Variants in ARMC3 observed in about 807,000 individuals in gnomAD.
ARMC3 encodes armadillo repeat containing 3.
Under a neutral mutation model 90.3 loss-of-function variants are expected in ARMC3, and 74 were observed. That is an observed-to-expected ratio of 0.82 (90% confidence interval 0.68 to 0.99). ARMC3 has a LOEUF of 0.99. ARMC3 is among the 50% of genes least tolerant of loss of function. The probability of loss-of-function intolerance (pLI) is 0.00; values close to 1 mark genes in which losing one functional copy is unlikely to be tolerated. For synonymous variants in ARMC3, 334 were observed against 361.8 expected (o/e 0.92, Z 0.87); for missense variants, 958 against 1,042.8 (o/e 0.92, Z 1.12).
rs1837726761 is a variant in ARMC3, at chr10:23,008,283, C to G, written c.1837C>G (p.Pro613Ala). The G allele has an allele frequency of 6.6e-7, 1 of 1,510,364 alleles. No individual in the cohort carries two copies. The highest frequency in any genetic ancestry group is 9.0e-7 in the Non-Finnish European group (1 of 1,111,496). 93.6% of individuals were successfully genotyped at this position (1,510,364 alleles called of 1,614,324 possible). Residue 613 changes from proline to alanine, a missense_variant, in exon 15 of 19, where the codon CCT (proline) becomes GCT (alanine). By Grantham distance (27) the Pro-to-Ala change is conservative. Coordinates refer to ENST00000298032, the MANE Select transcript of ARMC3 (RefSeq NM_173081.5). ...LINSKSYVSP[P>A]SSMEDKSDVG... ...AAATGTGTAAAATTTTAGTTCTCCA[C>G]CTTCATCTATGGAAGATAAATCAGA...
rs74885959 is a variant in ARMC3 at position 23,025,279 on chromosome 10, C to A, written c.2046-5317C>A. Among the ~76,000 whole-genome samples, 350 of 152,084 alleles carry A rather than the reference C, an allele frequency of 2.3e-3. 3 individuals carry two copies. The highest frequency in any genetic ancestry group is 8.0e-3 in the African/African-American group (333 of 41,498). On this transcript the variant is annotated intron_variant, in intron 16 of 18. Transcript: ENST00000298032. ...AGATCTCATTGACATATGTAGAACACTCCAACAATAACAGCAGAATACACG... is the reference window on the plus strand; with the variant it reads ...AGATCTCATTGACATATGTAGAACAATCCAACAATAACAGCAGAATACACG...
intron 7 of ARMC3, among the ~76,000 whole-genome samples, chr10:22,963,207 T>C (rs886814162): frequency 1.3e-5 from 2 of 152,210 alleles, no homozygotes; most frequent in African/African-American, 4.8e-5. Flanking sequence ...CATTGAGGAA[T>C]GTGATGGTAT....
chr10:23,030,881 C>A, intron 17 of ARMC3, 85 bp downstream of exon 17: 3 of 1,409,972 alleles, frequency 2.1e-6, no homozygotes, highest in Non-Finnish European at 2.9e-6. Flanking sequence ...TAGACAAATA[C>A]ACCATAAATA....
intron 10 of ARMC3, among the ~76,000 whole-genome samples, chr10:22,989,215 C>T (rs1836597510): frequency 1.3e-5 from 2 of 152,218 alleles, no homozygotes; most frequent in Admixed American, 1.3e-4. Context: ...AGATTCCGAT[C>T]TGAAAATCAT....
chr10:22,975,646 GA>G (rs763406940), intron 8 of ARMC3, among the ~76,000 whole-genome samples: 25 of 152,198 alleles, frequency 1.6e-4, no homozygotes, highest in Non-Finnish European at 2.9e-4. Context: ...TTGCATATAT[GA>G]TTTTTTTGCT....
chr10:23,023,476 C>T (rs569011685), intron 16 of ARMC3, among the ~76,000 whole-genome samples: 158 of 152,118 alleles, frequency 1.0e-3, no homozygotes, highest in Non-Finnish European at 1.9e-3. Flanking sequence ...AAGAAAATCA[C>T]AATACCAATG....
At chr10:22,943,070 G>A (rs1040190609) in intron 2 of ARMC3, among the ~76,000 whole-genome samples, 1 of 152,172 alleles carries the variant, frequency 6.6e-6, no homozygotes, top group African/African-American at 2.4e-5. Flanking sequence ...GCTTAGGAAA[G>A]GAGTGTGAGG....
chr10:23,017,598 C>T (rs1315752042), intron 16 of ARMC3, among the ~76,000 whole-genome samples: 1 of 152,198 alleles, frequency 6.6e-6, no homozygotes, highest in Admixed American at 6.5e-5. Flanking sequence ...AACCCTGTCT[C>T]TACTAAAAAT....
chr10:22,986,550 T>G (rs1588882034), intron 10 of ARMC3, among the ~76,000 whole-genome samples: 1 of 88,052 alleles, frequency 1.1e-5, no homozygotes. Flanking sequence ...AGACTCCATC[T>G]CAAAAAAAAA....
At chr10:22,930,133 C>T (rs1833871921) in intron 1 of ARMC3, among the ~76,000 whole-genome samples, 1 of 149,558 alleles carries the variant, frequency 6.7e-6, no homozygotes, top group Non-Finnish European at 1.5e-5. Context: ...TAAACTCTCT[C>T]TTTTTTTTTT....
intron 10 of ARMC3, among the ~76,000 whole-genome samples, chr10:22,986,388 C>T (rs1335462856): frequency 1.3e-5 from 2 of 151,746 alleles, no homozygotes; most frequent in African/African-American, 4.8e-5. Flanking sequence ...CCCATCTCTA[C>T]TAAAAATACA....
At chr10:23,005,076 G>T (rs887590781) in intron 13 of ARMC3, among the ~76,000 whole-genome samples, 1 of 152,024 alleles carries the variant, frequency 6.6e-6, no homozygotes, top group Non-Finnish European at 1.5e-5. Context: ...AGCCGGGCGT[G>T]GTGGCGGGTG....
intron 8 of ARMC3, among the ~76,000 whole-genome samples, chr10:22,969,295 A>C (rs1371632726): frequency 6.6e-6 from 1 of 152,190 alleles, no homozygotes; most frequent in Non-Finnish European, 1.5e-5. Flanking sequence ...CACAGATGAA[A>C]TTATAGTTTT....
Position 22,962,043 on chromosome 10 carries a change from G to A in ARMC3, c.697G>A (p.Gly233Arg). The change falls in exon 7 of 19, where the codon GGA (glycine) becomes AGA (arginine). Residue 233 changes from glycine (G) to arginine (R), a missense_variant. Transcript: ENST00000298032. ...TCGAACAATGCTAAGAGACAATCAAGGATTGGACCATCTTATTAAGATCCT... is the reference window on the plus strand; with the variant it reads ...TCGAACAATGCTAAGAGACAATCAAAGATTGGACCATCTTATTAAGATCCT... ...ESRTMLRDNQ[G>R]LDHLIKILET... is the part of the protein sequence containing the mutation. The A allele has an allele frequency of 6.3e-7, 1 of 1,595,816 alleles. No homozygotes were observed. Among genetic ancestry groups the A allele is most frequent in the Non-Finnish European group, 8.5e-7 (1 of 1,173,296 alleles).
At chr10:22,951,398 T>C (rs191755764) in intron 3 of ARMC3, among the ~76,000 whole-genome samples, 16 of 152,254 alleles carry the variant, frequency 1.1e-4, no homozygotes, top group Admixed American at 9.8e-4. Context: ...ATATAAAGGA[T>C]TTGACAATAT....
intron 10 of ARMC3, 109 bp downstream of exon 10, chr10:22,981,809 T>C: frequency 1.1e-6 from 1 of 936,132 alleles, no homozygotes; most frequent in Non-Finnish European, 1.6e-6. Context: ...TTTCTTCAGA[T>C]GGTCTATCTT....
At chr10:22,993,066 A>G (rs893712319) in intron 10 of ARMC3, among the ~76,000 whole-genome samples, 6 of 152,224 alleles carry the variant, frequency 3.9e-5, no homozygotes, top group Non-Finnish European at 8.8e-5. Context: ...TATTGCCAAT[A>G]TCACCATCTG....
rs1301253588 is a variant in ARMC3 at position 23,018,559 on chromosome 10, C to T, written c.2045+9628C>T. On this transcript the variant is annotated intron_variant, in intron 16 of 18. Transcript: ENST00000298032. The stretch of plus-strand genomic sequence containing the variant: ...TGAGACGGAGTCTCGCACTGTCACC[C>T]AGGCTGGAGTCCTGTGGCTCAATCT... 5.5e-5 allele frequency among the ~76,000 whole-genome samples: 8 copies of T among 144,466 alleles called. No individual in the cohort carries two copies. The Admixed American group carries it at 5.6e-4, about 10-fold the overall frequency. The allele number at this position is 144,466 out of a possible 152,430, so 94.8% of individuals were successfully genotyped here.
intron 12 of ARMC3, among the ~76,000 whole-genome samples, chr10:23,003,021 A>G (rs1349922941): frequency 6.6e-6 from 1 of 152,194 alleles, no homozygotes; most frequent in Non-Finnish European, 1.5e-5. Context: ...CCCCAAAAGC[A>G]TCCTTTTCCC....
Sources: gnomAD v4.1 joint callset for allele counts (sites outside exome capture counted in the v4.1 genomes callset) on GRCh38, gnomAD v4.1.1 for gene constraint, MANE v1.5 for transcripts, NCBI Gene and HGNC (gene_info 2026-07-23, HGNC 2026-07-21) for gene names.